DNAH5: variants seen among roughly 807,000 people sequenced by gnomAD.
DNAH5 encodes dynein axonemal heavy chain 5.
Under a neutral mutation model 518.2 loss-of-function variants are expected in DNAH5, and 372 were observed. The ratio of observed to expected loss-of-function variants is 0.72; its 90% CI spans 0.66 to 0.78. The LOEUF (loss-of-function observed/expected upper bound fraction) is 0.78, where lower values mean the gene tolerates loss of function less well. Among genes scored for constraint, DNAH5 ranks in the 30% least tolerant of loss-of-function variants. The pLI is 0.00. For missense variants in DNAH5, 5,523 were observed against 5,687.0 expected (o/e 0.97, Z 0.93); for synonymous variants, 2,039 against 2,025.9 (o/e 1.01, Z -0.17).
intron 25 of DNAH5, among the ~76,000 whole-genome samples, chr5:13,867,406 G>T (rs1020384335): frequency 6.6e-6 from 1 of 151,944 alleles, no homozygotes; most frequent in Non-Finnish European, 1.5e-5. Context: ...TTCCCTCTTC[G>T]CTCAGCATTC....
chr5:13,764,947 C>T (rs1752314968), intron 59 of DNAH5, among the ~76,000 whole-genome samples: 1 of 152,284 alleles, frequency 6.6e-6, no homozygotes, highest in South Asian at 2.1e-4. Context: ...AATATATAAG[C>T]TTACAATTAA....
At chr5:13,779,264 G>T (rs1754727221) in intron 53 of DNAH5, among the ~76,000 whole-genome samples, 2 of 152,136 alleles carry the variant, frequency 1.3e-5, no homozygotes, top group Admixed American at 1.3e-4. Context: ...TCATATGCAA[G>T]GTAACTAGAA....
In DNAH5 at chr5:13,793,647, C is replaced by A. The variant is rs773466223; in HGVS notation, c.8092G>T (p.Val2698Leu). The A allele has an allele frequency of 8.1e-6, 13 of 1,614,124 alleles. No homozygotes were observed. Among genetic ancestry groups the A allele is most frequent in the Non-Finnish European group, 1.1e-5 (13 of 1,180,026 alleles). Reference protein sequence around the residue: ...LEKPGEFTSIVDIQFLAAMIH... With the variant: ...LEKPGEFTSILDIQFLAAMIH... Reference sequence around the variant, plus strand: ...ATGGCTGCCAAAAACTGGATGTCCACGATGCTGGTGAACTCCCCAGGCTTC... The same window carrying A: ...ATGGCTGCCAAAAACTGGATGTCCAAGATGCTGGTGAACTCCCCAGGCTTC... Residue 2698 changes from valine to leucine, a missense_variant, in exon 49 of 79, where the codon GTG (valine) becomes TTG (leucine). By Grantham distance (32) the Val-to-Leu change is conservative. Transcript: ENST00000265104.
chr5:13,770,824 G>T lies in DNAH5; in HGVS notation c.9530C>A (p.Ser3177Ter). ...FRRSTHVTPK[S>*]YLSFIQGYKF... ...ATAGCCCTGAATAAAGGAGAGGTAT[G>T]ATTTGGGCGTCACGTGGGTAGAACG... Residue 3177 changes from serine to a stop codon, truncating the protein, a stop_gained, in exon 56 of 79, where the codon TCA (serine) becomes TAA (stop). Transcript: ENST00000265104. LOFTEE classifies it high-confidence loss of function. The T allele has an allele frequency of 6.2e-7, 1 of 1,614,062 alleles. No individual in the cohort carries two copies. Among genetic ancestry groups the T allele is most frequent in the Non-Finnish European group, 8.5e-7 (1 of 1,179,980 alleles).
In DNAH5 at chr5:13,866,371, G is replaced by T. The variant is rs1045577080; in HGVS notation, c.4054-89C>A. On this transcript the variant is annotated intron_variant, in intron 25 of 78. Coordinates refer to ENST00000265104, the MANE Select transcript of DNAH5 (RefSeq NM_001369.3). ...ATCCATATTTAAATATTAAAGTTAG[G>T]TTTCATGCATGATAGGAAACTTCAT... 14 of 1,073,730 alleles carry T rather than the reference G, an allele frequency of 1.3e-5. No homozygotes were observed. The African/African-American group carries it at 2.1e-4, about 16-fold the overall frequency. The allele number at this position is 1,073,730 out of a possible 1,614,324, so 66.5% of individuals were successfully genotyped here.
At chr5:13,921,475 T>TCCCA (rs1554103992) in intron 5 of DNAH5, among the ~76,000 whole-genome samples, 1 of 73,698 alleles carries the variant, frequency 1.4e-5, no homozygotes, top group African/African-American at 5.1e-5. Flanking sequence ...TATCTCTCTC[T>TCCCA]CACACACACA....
intron 30 of DNAH5, among the ~76,000 whole-genome samples, chr5:13,859,220 T>C (rs1768041987): frequency 6.6e-6 from 1 of 152,214 alleles, no homozygotes; most frequent in South Asian, 2.1e-4. Flanking sequence ...TTTAACCCTC[T>C]ATCTCCTATC....
At chr5:13,910,852 G>A in intron 12 of DNAH5, among the ~76,000 whole-genome samples, 1 of 152,212 alleles carries the variant, frequency 6.6e-6, no homozygotes, top group East Asian at 1.9e-4. Flanking sequence ...GGCATAAACT[G>A]CTCATGTGAG....
Position 13,833,442 on chromosome 5 carries a change from C to CAAA in DNAH5, c.5883-2670_5883-2668dup, listed in dbSNP as rs59325595. On this transcript the variant is annotated intron_variant, in intron 35 of 78. Coordinates refer to ENST00000265104, the MANE Select transcript of DNAH5 (RefSeq NM_001369.3). ...CAACAGAGTGAGTGAGACTCCTTCC[C>CAAA]AAAAAAAAAAAAAAAGTGTTATCAG... 8.1e-3 allele frequency among the ~76,000 whole-genome samples: 964 copies of CAAA among 119,534 alleles called. 26 individuals are homozygous for CAAA. The highest frequency in any genetic ancestry group is 0.023 in the African/African-American group (741 of 31,860). 78.4% of individuals were successfully genotyped at this position (119,534 alleles called of 152,430 possible).
At chr5:13,775,167 T>C (rs1458229335) in intron 55 of DNAH5, among the ~76,000 whole-genome samples, 1 of 151,114 alleles carries the variant, frequency 6.6e-6, no homozygotes, top group Non-Finnish European at 1.5e-5. Flanking sequence ...CCTCCAGTTA[T>C]ATTTACATTT....
chr5:13,799,802 C>T (rs1046621151), intron 47 of DNAH5, among the ~76,000 whole-genome samples: 1 of 152,030 alleles, frequency 6.6e-6, no homozygotes, highest in Admixed American at 6.6e-5. Flanking sequence ...GAACCCAAAT[C>T]TAAACATAAA....
At chr5:13,759,987 C>T (rs1478336243) in intron 60 of DNAH5, among the ~76,000 whole-genome samples, 1 of 152,128 alleles carries the variant, frequency 6.6e-6, no homozygotes, top group African/African-American at 2.4e-5. Flanking sequence ...TTGACTAGAT[C>T]CAGTGATGGG....
intron 15 of DNAH5, among the ~76,000 whole-genome samples, chr5:13,895,780 T>C (rs923807273): frequency 1.3e-5 from 2 of 152,144 alleles, no homozygotes; most frequent in Non-Finnish European, 2.9e-5. Flanking sequence ...CATCAATATA[T>C]AGCAGACATT....
At chr5:13,809,248 G>GCAGAC in intron 45 of DNAH5, 62 bp from the exon 46 acceptor site, 1 of 1,587,674 alleles carries the variant, frequency 6.3e-7, no homozygotes, top group Admixed American at 1.7e-5. Context: ...ACTGTAATGA[G>GCAGAC]CAGACATCCT....
intron 50 of DNAH5, among the ~76,000 whole-genome samples, chr5:13,789,856 C>T (rs1010619527): frequency 2.6e-5 from 4 of 152,174 alleles, no homozygotes; most frequent in Admixed American, 2.0e-4. Flanking sequence ...ACTCTCACTT[C>T]TCTGCAGGAA....
chr5:13,735,081 T>C (rs767961784), intron 68 of DNAH5, 50 bp downstream of exon 68: 2 of 1,575,170 alleles, frequency 1.3e-6, no homozygotes, highest in Admixed American at 1.7e-5. Flanking sequence ...GCTTTCACAA[T>C]AACTCCTCCA....
chr5:13,913,861 A>G lies in DNAH5; in HGVS notation c.1418T>C (p.Phe473Ser). 6.2e-7 allele frequency: 1 copy of G among 1,613,694 alleles called. No homozygotes were observed. The highest frequency in any genetic ancestry group is 2.2e-5 in the East Asian group (1 of 44,856). The part of the protein sequence containing the change: ...DFSEMYIFGK[F>S]ETFHRRLAKI... ...GGCAAGGCGTCGGTGAAAAGTTTCG[A>G]ATTTTCCAAAAATATACATCTCGCT... is the stretch of plus-strand genomic sequence containing the variant. Residue 473 changes from phenylalanine to serine, a missense_variant, in exon 11 of 79, where the codon TTC becomes TCC. Physicochemically the swap from Phe to Ser is radical, Grantham distance 155. Transcript: ENST00000265104.
intron 1 of DNAH5, among the ~76,000 whole-genome samples, chr5:14,001,388 G>C (rs1784340671): frequency 6.6e-6 from 1 of 152,132 alleles, no homozygotes; most frequent in Non-Finnish European, 1.5e-5. Flanking sequence ...GACAGAGTCA[G>C]AGTCTCACTC....
intron 29 of DNAH5, among the ~76,000 whole-genome samples, chr5:13,861,306 T>C (rs142805839): frequency 8.1e-4 from 124 of 152,358 alleles, no homozygotes; most frequent in Non-Finnish European, 1.5e-3. Flanking sequence ...TCAAGATTAC[T>C]AATGGTCTAA....
Sources: gnomAD v4.1 joint callset for allele counts (sites outside exome capture counted in the v4.1 genomes callset) on GRCh38, gnomAD v4.1.1 for gene constraint, MANE v1.5 for transcripts, NCBI Gene and HGNC (gene_info 2026-07-23, HGNC 2026-07-21) for gene names.